The following PRUNE2 variants were observed in gnomAD, a reference collection of about 807,000 sequenced individuals.
The protein encoded by PRUNE2 is prune homolog 2 with BCH domain, also known as protein prune homolog 2.
PRUNE2 carries 164 observed loss-of-function variants against 252.0 expected under a neutral mutation model. The ratio of observed to expected loss-of-function variants is 0.65; its 90% CI spans 0.57 to 0.74. The LOEUF (loss-of-function observed/expected upper bound fraction) is 0.74, where lower values mean the gene tolerates loss of function less well. Ranked by LOEUF, PRUNE2 falls within the 30% of genes least tolerant of loss-of-function variation. PRUNE2 has a pLI of 0.00. For synonymous variants in PRUNE2, 1,292 were observed against 1,350.2 expected, an observed-to-expected ratio of 0.96 and a Z score of 0.94; for missense variants, 3,495 against 3,711.0, an observed-to-expected ratio of 0.94 and a Z score of 1.51.
chr9:76,872,130 C>A (rs17063072), intron 1 of PRUNE2, among the ~76,000 whole-genome samples: 4,180 of 152,152 alleles, frequency 0.027, 131 homozygotes, highest in African/African-American at 0.07. Flanking sequence ...GAACCCTGTG[C>A]CCTCATGGCC....
intron 9 of PRUNE2, among the ~76,000 whole-genome samples, chr9:76,683,182 G>A (rs1345012199): frequency 5.3e-5 from 8 of 152,174 alleles, no homozygotes; most frequent in African/African-American, 1.4e-4. Context: ...CAGAGTCCCC[G>A]CCCCTGCCAG....
rs1304591703 is a variant in PRUNE2, at chr9:76,613,288, C to CT, written c.*1281dup. On this transcript the variant is annotated 3_prime_UTR_variant, in exon 19 of 19. Transcript: ENST00000376718. ...GTTTGCTAGAGCAGGGGTCAGCAAA[C>CT]TTTTTCTGTAAACATAGTCAATGTT... 1 of 152,164 alleles carries CT rather than the reference C, an allele frequency of 6.6e-6. No homozygotes were observed. Among genetic ancestry groups the CT allele is most frequent in the Non-Finnish European group, 1.5e-5 (1 of 68,036 alleles). The allele number at this position is 152,164 out of a possible 1,614,324, so 9.4% of individuals were successfully genotyped here.
chr9:76,742,416 C>T (rs569865319), intron 6 of PRUNE2, among the ~76,000 whole-genome samples: 31 of 152,146 alleles, frequency 2.0e-4, no homozygotes, highest in Admixed American at 6.5e-4. Flanking sequence ...GAGTTCCAGA[C>T]CCAGCCTGGG....
intron 4 of PRUNE2, among the ~76,000 whole-genome samples, chr9:76,828,499 T>G (rs2058474326): frequency 6.6e-6 from 1 of 152,162 alleles, no homozygotes; most frequent in East Asian, 1.9e-4. Flanking sequence ...CATTTATGTT[T>G]TATAAGAATC....
chr9:76,727,732 T>TTTG (rs869035768), intron 6 of PRUNE2, among the ~76,000 whole-genome samples: 11 of 146,034 alleles, frequency 7.5e-5, no homozygotes, highest in African/African-American at 2.5e-4. Context: ...TTTTTTTTTT[T>TTTG]GAAACAGGGT....
At chr9:76,619,584 T>A (rs1200995399) in intron 17 of PRUNE2, among the ~76,000 whole-genome samples, 197 bp from the exon 18 acceptor site, 1 of 152,238 alleles carries the variant, frequency 6.6e-6, no homozygotes, top group Non-Finnish European at 1.5e-5. Context: ...TTGCCCATGA[T>A]ATAAAAACAC....
chr9:76,823,099 A>T (rs1411899650), intron 6 of PRUNE2: 1 of 152,294 alleles, frequency 6.6e-6, no homozygotes, highest in African/African-American at 2.4e-5. Flanking sequence ...AAACACACAA[A>T]GACAAAAGTA....
chr9:76,686,288 AG>A (rs1264813624), intron 9 of PRUNE2, among the ~76,000 whole-genome samples: 1 of 152,208 alleles, frequency 6.6e-6, no homozygotes, highest in African/African-American at 2.4e-5. Flanking sequence ...TTGGGTTACC[AG>A]GTCCCTGCTG....
chr9:76,902,646 G>A (rs2063248215), intron 1 of PRUNE2, among the ~76,000 whole-genome samples: 1 of 152,140 alleles, frequency 6.6e-6, no homozygotes, highest in African/African-American at 2.4e-5. Context: ...TGTTTGTCTA[G>A]AAGGGAGCAT....
At chr9:76,658,129 C>A (rs1443628051) in intron 9 of PRUNE2, among the ~76,000 whole-genome samples, 2 of 152,140 alleles carry the variant, frequency 1.3e-5, no homozygotes, top group Admixed American at 1.3e-4. Flanking sequence ...GAGGCTGAGG[C>A]GGGTGGGTCA....
At chr9:76,698,710 CAT>C (rs1272424780) in intron 9 of PRUNE2, among the ~76,000 whole-genome samples, 1 of 152,156 alleles carries the variant, frequency 6.6e-6, no homozygotes, top group Non-Finnish European at 1.5e-5. Flanking sequence ...AACCATAAGT[CAT>C]AGACAGAAAA....
chr9:76,653,977 A>G (rs1309708675), intron 10 of PRUNE2, among the ~76,000 whole-genome samples: 2 of 152,200 alleles, frequency 1.3e-5, no homozygotes, highest in African/African-American at 4.8e-5. Flanking sequence ...CTGTAGTATA[A>G]TAAGAAATGT....
At chr9:76,808,937 AG>A (rs1339856121) in intron 6 of PRUNE2, 2 of 152,414 alleles carry the variant, frequency 1.3e-5, no homozygotes, top group South Asian at 2.1e-4. Flanking sequence ...CCCAAACACT[AG>A]GGGTAAGTCC....
At chr9:76,666,770 G>A (rs1035613175) in intron 9 of PRUNE2, among the ~76,000 whole-genome samples, 36 of 152,106 alleles carry the variant, frequency 2.4e-4, no homozygotes, top group Non-Finnish European at 3.5e-4. Flanking sequence ...TTTGTCTTGT[G>A]TCTTTATTTC....
intron 6 of PRUNE2, among the ~76,000 whole-genome samples, chr9:76,818,698 G>A (rs540999637): frequency 1.7e-4 from 26 of 152,232 alleles, no homozygotes; most frequent in African/African-American, 5.3e-4. Context: ...AGTCCTCACC[G>A]TTCCTCATTT....
At chr9:76,674,551 G>C (rs2042142280) in intron 9 of PRUNE2, among the ~76,000 whole-genome samples, 1 of 151,358 alleles carries the variant, frequency 6.6e-6, no homozygotes, top group Non-Finnish European at 1.5e-5. Context: ...TCACAGAATT[G>C]GAAAAAAACT....
At chr9:76,782,892 T>TA (rs899328465) in intron 6 of PRUNE2, 2 of 152,226 alleles carry the variant, frequency 1.3e-5, no homozygotes, top group Non-Finnish European at 2.9e-5. Flanking sequence ...CCTTTAACCA[T>TA]ATACCTGCTA....
intron 4 of PRUNE2, among the ~76,000 whole-genome samples, chr9:76,837,441 A>AAATTAATAATAAT (rs1554798655): frequency 7.4e-6 from 1 of 134,826 alleles, no homozygotes; most frequent in African/African-American, 2.7e-5. Context: ...ACTCTGTCTC[A>AAATTAATAATAAT]AATAATAATA....
Position 76,703,386 on chromosome 9 carries a change from C to T in PRUNE2, c.8227G>A (p.Glu2743Lys), listed in dbSNP as rs2134759623. The T allele has an allele frequency of 6.2e-7, 1 of 1,612,058 alleles. No homozygotes were observed. The highest frequency in any genetic ancestry group is 1.1e-5 in the South Asian group (1 of 90,920). The change falls in exon 9 of 19, where the codon GAG (glutamate) becomes AAG (lysine). Residue 2743 changes from glutamate to lysine, a missense_variant. Glu to Lys is a moderately conservative substitution (Grantham distance 56). Transcript: ENST00000376718. ...KNMIPDTEME[E>K]ETEFLELGTR... ...CCGAGCTCAAGGAACTCTGTCTCCT[C>T]CTCCATTTCCGTGTCAGGGATCATG...
Sources: allele counts gnomAD v4.1 joint callset (sites outside exome capture counted in the v4.1 genomes callset), GRCh38; gene constraint gnomAD v4.1.1; transcripts MANE v1.5; gene names NCBI Gene and HGNC (gene_info 2026-07-23, HGNC 2026-07-21).